Variants in ME1 observed in about 807,000 individuals in gnomAD.
The protein encoded by ME1 is malic enzyme 1.
ME1 carries 74 observed loss-of-function variants against 66.4 expected under a neutral mutation model. The observed-to-expected ratio is 1.11, with a 90% CI of 0.92 to 1.35. ME1 has a LOEUF of 1.35. ME1 is among the 40% of genes most tolerant of loss of function. The pLI, the probability that ME1 is intolerant of heterozygous loss-of-function variation, is 0.00. For synonymous variants in ME1, 251 were observed against 235.6 expected (o/e 1.07, Z -0.60); for missense variants, 750 against 694.1 (o/e 1.08, Z -0.90).
At chr6:83,419,207 C>T (rs768104986) in intron 1 of ME1, among the ~76,000 whole-genome samples, 4 of 152,104 alleles carry the variant, frequency 2.6e-5, no homozygotes, top group Non-Finnish European at 5.9e-5. Context: ...AATAGCCAAC[C>T]CGCATGTTTA....
At chr6:83,308,325 T>A (rs1409463216) in intron 6 of ME1, among the ~76,000 whole-genome samples, 3 of 152,050 alleles carry the variant, frequency 2.0e-5, no homozygotes, top group Admixed American at 2.0e-4. Context: ...ATTTAAAAAA[T>A]TTAATATTAG....
At chr6:83,379,469 G>C (rs890711124) in intron 3 of ME1, among the ~76,000 whole-genome samples, 56 of 151,950 alleles carry the variant, frequency 3.7e-4, no homozygotes, top group Non-Finnish European at 1.8e-4. Context: ...TGATATACTA[G>C]TCGTGAGACA....
At chr6:83,310,802 T>A (rs1358904975) in intron 6 of ME1, among the ~76,000 whole-genome samples, 5 of 152,138 alleles carry the variant, frequency 3.3e-5, no homozygotes, top group Admixed American at 3.3e-4. Context: ...CCAGAGGCCC[T>A]CCTTTGTAGA....
At chr6:83,239,503 G>A (rs1227277561) in intron 8 of ME1, 36 bp downstream of exon 8, 1 of 1,400,840 alleles carries the variant, frequency 7.1e-7, no homozygotes, top group Non-Finnish European at 1.0e-6. Context: ...TTATATGTTA[G>A]TTTAGGAGAA....
chr6:83,411,366 G>GAA (rs149609090), intron 1 of ME1, among the ~76,000 whole-genome samples: 1 of 128,498 alleles, frequency 7.8e-6, no homozygotes, highest in African/African-American at 2.9e-5. Flanking sequence ...TCCGTCTCAA[G>GAA]AAAAAAAAAA....
intron 3 of ME1, among the ~76,000 whole-genome samples, chr6:83,365,225 T>G (rs1407933702): frequency 6.6e-6 from 1 of 152,174 alleles, no homozygotes; most frequent in Non-Finnish European, 1.5e-5. Flanking sequence ...CCTGAGTAGC[T>G]GGGATTATAG....
chr6:83,225,205 C>CGA (rs1386353254), intron 11 of ME1, among the ~76,000 whole-genome samples: 1 of 40,496 alleles, frequency 2.5e-5, no homozygotes, highest in Non-Finnish European at 5.3e-5. Flanking sequence ...GACTCCATCT[C>CGA]AAAAAAAAAA....
intron 6 of ME1, among the ~76,000 whole-genome samples, chr6:83,254,494 A>G (rs757829088): frequency 1.3e-5 from 2 of 152,180 alleles, no homozygotes; most frequent in African/African-American, 2.4e-5. Flanking sequence ...ATACAACGTA[A>G]CATGTAATAG....
rs749249797 is a variant in ME1 at position 83,430,949 on chromosome 6, C to A, written c.6G>T (p.Glu2Asp). 2 of 1,572,580 alleles carry A rather than the reference C, an allele frequency of 1.3e-6. No homozygotes were observed. Among genetic ancestry groups the A allele is most frequent in the South Asian group, 1.2e-5 (1 of 86,450 alleles). The change falls in exon 1 of 14, where the codon GAG becomes GAT. Residue 2 changes from glutamate (E) to aspartate (D), a missense_variant. By Grantham distance (45) the Glu-to-Asp change is conservative. Coordinates refer to ENST00000369705, the MANE Select transcript of ME1 (RefSeq NM_002395.6). M[E>D]PEAPRRRHTH... ...TGTGGCGGCGACGGGGGGCTTCGGG[C>A]TCCATGGCTGGCGCCGGGTTCGGCG...
Position 83,211,659 on chromosome 6 carries a change from C to T in ME1, c.*265G>A, listed in dbSNP as rs553295780. ...CCTGTATAAAAATGATGAGTTTCTCCGTAGTACGTACAACAGCTTTTAAAG... is the reference window on the plus strand; with the variant it reads ...CCTGTATAAAAATGATGAGTTTCTCTGTAGTACGTACAACAGCTTTTAAAG... On this transcript the variant is annotated 3_prime_UTR_variant, in exon 14 of 14. Coordinates refer to ENST00000369705, the MANE Select transcript of ME1 (RefSeq NM_002395.6). The T allele has an allele frequency of 2.1e-5, 5 of 235,878 alleles. No individual in the cohort carries two copies. Among genetic ancestry groups the T allele is most frequent in the Middle Eastern group, 1.3e-3 (1 of 744 alleles). The allele number at this position is 235,878 out of a possible 1,614,324, so 14.6% of individuals were successfully genotyped here.
At chr6:83,322,909 G>C (rs1768206727) in intron 5 of ME1, among the ~76,000 whole-genome samples, 1 of 152,114 alleles carries the variant, frequency 6.6e-6, no homozygotes, top group African/African-American at 2.4e-5. Flanking sequence ...GAGAGAGAAG[G>C]GTTGGGTTAT....
intron 6 of ME1, among the ~76,000 whole-genome samples, chr6:83,314,837 C>T (rs577950942): frequency 2.0e-5 from 3 of 152,236 alleles, no homozygotes; most frequent in Non-Finnish European, 4.4e-5. Context: ...ATTCTGGACC[C>T]CTGTGGACTG....
At chr6:83,405,821 A>C (rs1583420741) in intron 2 of ME1, among the ~76,000 whole-genome samples, 1 of 147,260 alleles carries the variant, frequency 6.8e-6, no homozygotes. Context: ...TCCCGGGTTC[A>C]CGCCATTCTC....
At chr6:83,266,363 C>A (rs1472518551) in intron 6 of ME1, among the ~76,000 whole-genome samples, 1 of 152,074 alleles carries the variant, frequency 6.6e-6, no homozygotes, top group African/African-American at 2.4e-5. Context: ...AAGCACAAAT[C>A]CAATGTAAAG....
chr6:83,275,464 C>CTTTT (rs767009219), intron 6 of ME1, among the ~76,000 whole-genome samples: 64 of 119,694 alleles, frequency 5.3e-4, no homozygotes, highest in African/African-American at 6.7e-4. Context: ...TAGTTTTGAT[C>CTTTT]TTTTTTTTTT....
intron 3 of ME1, among the ~76,000 whole-genome samples, chr6:83,381,002 G>T (rs1371295529): frequency 6.6e-6 from 1 of 152,066 alleles, no homozygotes; most frequent in Non-Finnish European, 1.5e-5. Flanking sequence ...CTGAACCAAT[G>T]AATTCATGGG....
At chr6:83,229,181 T>C (rs2128524121) in intron 9 of ME1, 2 of 538,586 alleles carry the variant, frequency 3.7e-6, no homozygotes, top group East Asian at 9.0e-5. Flanking sequence ...TTAATTGATA[T>C]TAAAAATCCT....
At chr6:83,231,397 A>C (rs1260383944) in intron 9 of ME1, among the ~76,000 whole-genome samples, 1 of 152,158 alleles carries the variant, frequency 6.6e-6, no homozygotes, top group African/African-American at 2.4e-5. Flanking sequence ...AATGCTGAAA[A>C]AAGTCCAGGA....
At chr6:83,238,193 C>G (rs577030668) in intron 8 of ME1, among the ~76,000 whole-genome samples, 15 of 152,260 alleles carry the variant, frequency 9.9e-5, no homozygotes, top group African/African-American at 3.1e-4. Context: ...AAGAAAGAAG[C>G]TTGGTCATTT....
Sources: allele counts gnomAD v4.1 joint callset (sites outside exome capture counted in the v4.1 genomes callset), GRCh38; gene constraint gnomAD v4.1.1; transcripts MANE v1.5; gene names NCBI Gene and HGNC (gene_info 2026-07-23, HGNC 2026-07-21).